The following DPP6 variants were observed in gnomAD, a reference collection of about 807,000 sequenced individuals.
DPP6 encodes the protein dipeptidyl peptidase like 6, also known as A-type potassium channel modulatory protein DPP6.
Under a neutral mutation model 122.6 loss-of-function variants are expected in DPP6, and 69 were observed. The ratio of observed to expected loss-of-function variants is 0.56; its 90% CI spans 0.46 to 0.69. The LOEUF (loss-of-function observed/expected upper bound fraction) is 0.69. DPP6 is among the 30% of genes least tolerant of loss of function. The pLI, the probability that DPP6 is intolerant of heterozygous loss-of-function variation, is 0.00. For synonymous variants in DPP6, 418 were observed against 433.1 expected (o/e 0.97, Z 0.43); for missense variants, 928 against 1,116.9 (o/e 0.83, Z 2.41).
intron 1 of DPP6, among the ~76,000 whole-genome samples, chr7:154,321,423 C>A (rs1358233906): frequency 6.6e-6 from 1 of 152,070 alleles, no homozygotes; most frequent in East Asian, 1.9e-4. Context: ...AGGCTAGGAA[C>A]CATCACGGAG....
intron 1 of DPP6, among the ~76,000 whole-genome samples, chr7:153,969,604 T>A (rs1795929430): frequency 6.7e-6 from 1 of 148,284 alleles, no homozygotes; most frequent in African/African-American, 2.6e-5. Context: ...TGAGATTGTT[T>A]TCCTTCATTG....
At chr7:154,237,044 T>C (rs941999684) in intron 1 of DPP6, among the ~76,000 whole-genome samples, 4 of 152,238 alleles carry the variant, frequency 2.6e-5, no homozygotes, top group East Asian at 1.9e-4. Context: ...GTCCTTCCCA[T>C]TGAGGTCCAA....
At chr7:154,104,399 C>T (rs1448620227) in intron 1 of DPP6, among the ~76,000 whole-genome samples, 5 of 152,234 alleles carry the variant, frequency 3.3e-5, no homozygotes, top group Non-Finnish European at 7.3e-5. Flanking sequence ...CTGGGGAGGA[C>T]TAATGGGCTC....
chr7:154,007,982 G>A (rs1236188443), intron 1 of DPP6, among the ~76,000 whole-genome samples: 1 of 152,220 alleles, frequency 6.6e-6, no homozygotes, highest in East Asian at 1.9e-4. Context: ...ATGCAACGGA[G>A]TGTGGGCAGT....
At chr7:154,065,241 A>T (rs1802610714) in intron 1 of DPP6, among the ~76,000 whole-genome samples, 1 of 151,222 alleles carries the variant, frequency 6.6e-6, no homozygotes, top group Non-Finnish European at 1.5e-5. Flanking sequence ...GATGAAATAG[A>T]CCGGAAGAAG....
chr7:153,860,059 C>A, the DPP6 span, among the ~76,000 whole-genome samples: 7 of 152,188 alleles, frequency 4.6e-5, no homozygotes, highest in African/African-American at 1.7e-4. Context: ...ATGTCTATAA[C>A]ATAGCTATCA....
chr7:154,733,777 G>C (rs1031531765), intron 8 of DPP6, among the ~76,000 whole-genome samples: 4 of 152,150 alleles, frequency 2.6e-5, no homozygotes, highest in Non-Finnish European at 5.9e-5. Flanking sequence ...TTTCCACAGG[G>C]GGCACATTCA....
At chr7:154,477,028 G>C (rs1403851039) in intron 3 of DPP6, among the ~76,000 whole-genome samples, 1 of 151,846 alleles carries the variant, frequency 6.6e-6, no homozygotes, top group Non-Finnish European at 1.5e-5. Context: ...GCGGTTAACT[G>C]TAATCATGCC....
chr7:154,129,777 G>A (rs543277066), intron 1 of DPP6, among the ~76,000 whole-genome samples: 143 of 152,186 alleles, frequency 9.4e-4, no homozygotes, highest in Non-Finnish European at 1.5e-3. Flanking sequence ...GTGGGCACCT[G>A]TAGTCCCAGC....
chr7:154,073,602 A>C (rs1432251682), intron 1 of DPP6, among the ~76,000 whole-genome samples: 1 of 152,254 alleles, frequency 6.6e-6, no homozygotes, highest in Non-Finnish European at 1.5e-5. Context: ...CGATTAATAC[A>C]TGAATGAACT....
intron 1 of DPP6, among the ~76,000 whole-genome samples, chr7:154,250,781 G>A (rs79266021): frequency 0.037 from 5,696 of 152,194 alleles, 186 homozygotes; most frequent in East Asian, 0.13. Context: ...GGCTAGAAGA[G>A]CCAGGATTGA....
chr7:154,840,142 C>T (rs1408212122), intron 16 of DPP6, among the ~76,000 whole-genome samples: 1 of 152,324 alleles, frequency 6.6e-6, no homozygotes, highest in Non-Finnish European at 1.5e-5. Context: ...GTAGCGCCCA[C>T]CAAGTGTCTG....
intron 1 of DPP6, among the ~76,000 whole-genome samples, chr7:154,060,653 C>T (rs1248374289): frequency 2.5e-5 from 3 of 118,602 alleles, no homozygotes; most frequent in Non-Finnish European, 1.7e-5. Context: ...AGGCACCCCC[C>T]ACGAGAGTGG....
At chr7:154,671,862 A>ATGCACACACACACG (rs1554431478) in intron 7 of DPP6, among the ~76,000 whole-genome samples, 3,239 of 102,932 alleles carry the variant, frequency 0.031, 122 homozygotes, top group African/African-American at 0.1. Context: ...CAACACACAC[A>ATGCACACACACACG]TGCACACACA....
At chr7:153,939,992 T>C (rs1585061674) in intron 1 of DPP6, among the ~76,000 whole-genome samples, 1 of 151,190 alleles carries the variant, frequency 6.6e-6, no homozygotes, top group East Asian at 1.9e-4. Context: ...TAAAGGGAGG[T>C]TAGTGTTTTG....
At chr7:154,882,794 C>T (rs1335371480) in intron 21 of DPP6, among the ~76,000 whole-genome samples, 4 of 152,166 alleles carry the variant, frequency 2.6e-5, no homozygotes, top group Non-Finnish European at 5.9e-5. Context: ...GTGTGGAGTT[C>T]ACTGACAATA....
intron 3 of DPP6, among the ~76,000 whole-genome samples, chr7:154,525,510 T>A (rs1315988213): frequency 3.3e-5 from 5 of 152,212 alleles, no homozygotes; most frequent in Non-Finnish European, 7.3e-5. Flanking sequence ...CAGAAAATCT[T>A]AGCTCCTAAT....
chr7:153,990,627 G>A (rs1269242746), intron 1 of DPP6, among the ~76,000 whole-genome samples: 2 of 151,998 alleles, frequency 1.3e-5, no homozygotes, highest in Non-Finnish European at 2.9e-5. Flanking sequence ...CCCTGTCCAA[G>A]GGCCGCCGTG....
the DPP6 span, among the ~76,000 whole-genome samples, chr7:153,843,265 C>T: frequency 8.2e-6 from 1 of 121,640 alleles, no homozygotes; most frequent in Non-Finnish European, 1.8e-5. Context: ...TACAGACACA[C>T]ACGCATGCGC....
Sources: gnomAD v4.1 joint callset for allele counts (sites outside exome capture counted in the v4.1 genomes callset) on GRCh38, gnomAD v4.1.1 for gene constraint, MANE v1.5 for transcripts, NCBI Gene and HGNC (gene_info 2026-07-23, HGNC 2026-07-21) for gene names.